Variants in ZNF638 observed in about 807,000 individuals in gnomAD.
ZNF638 encodes CTCL tumor antigen se33-1.
A neutral mutation model predicts 195.6 loss-of-function variants in ZNF638; 46 were observed. The observed-to-expected ratio is 0.24, with a 90% CI of 0.19 to 0.30. The LOEUF is 0.30. ZNF638 is among the 10% of genes least tolerant of loss of function. ZNF638 has a pLI of 1.00. For missense variants in ZNF638, 2,440 were observed against 2,325.3 expected (o/e 1.05, Z -1.01); for synonymous variants, 845 against 772.0 (o/e 1.09, Z -1.57).
intron 19 of ZNF638, 121 bp downstream of exon 19, chr2:71,406,383 G>T: frequency 2.3e-6 from 2 of 854,778 alleles, no homozygotes; most frequent in East Asian, 5.3e-5. Context: ...CCACTTCGCA[G>T]AATTATTATA....
At chr2:71,390,715 A>G (rs1004731309) in intron 10 of ZNF638, among the ~76,000 whole-genome samples, 1 of 152,148 alleles carries the variant, frequency 6.6e-6, no homozygotes, top group Non-Finnish European at 1.5e-5. Context: ...TTACTGGCTT[A>G]TAGGATACAG....
rs1308761448 is a variant in ZNF638, at chr2:71,423,213, A to T, written c.3699A>T (p.Glu1233Asp). Reference protein sequence around the residue: ...LLPSDSVFAEERNLKGILEES... With the variant: ...LLPSDSVFAEDRNLKGILEES... ...CATCTGACAGTGTGTTTGCAGAAGA[A>T]AGGAACCTCAAAGGAATTCTAGAAG... Residue 1233 changes from glutamate (E) to aspartate (D), a missense_variant, in exon 22 of 28, where the codon GAA becomes GAT. Glu to Asp is a conservative substitution (Grantham distance 45, BLOSUM62 2). This residue lies in a region of ZNF638 where 1,883 missense variants were observed against 1,739.1 expected (regional missense o/e 1.08). Coordinates refer to ENST00000264447, the MANE Select transcript of ZNF638 (RefSeq NM_014497.5). 50 of 1,614,030 alleles carry T rather than the reference A, an allele frequency of 3.1e-5. No individual in the cohort carries two copies. The Admixed American group carries it at 6.8e-4, about 22-fold the overall frequency.
At chr2:71,433,023 G>T (rs2080698246) in intron 26 of ZNF638, 142 bp from the exon 27 acceptor site, 1 of 686,660 alleles carries the variant, frequency 1.5e-6, no homozygotes, top group Non-Finnish European at 2.6e-6. Flanking sequence ...GGAGGCAGAG[G>T]TTGCAGTGAG....
At chr2:71,397,029 G>T (rs893152124) in intron 11 of ZNF638, among the ~76,000 whole-genome samples, 1 of 152,160 alleles carries the variant, frequency 6.6e-6, no homozygotes. Flanking sequence ...ATCATTATTA[G>T]TGGCAGATCC....
chr2:71,352,502 A>T (rs1279701479), intron 2 of ZNF638, among the ~76,000 whole-genome samples: 7 of 151,492 alleles, frequency 4.6e-5, no homozygotes, highest in African/African-American at 1.5e-4. Flanking sequence ...AAATAAAAAA[A>T]AAAAAAAAGA....
chr2:71,383,944 C>T (rs2079586232), intron 10 of ZNF638, among the ~76,000 whole-genome samples: 1 of 151,784 alleles, frequency 6.6e-6, no homozygotes, highest in Admixed American at 6.6e-5. Flanking sequence ...TTAAGGACAT[C>T]TCCCTTACGT....
chr2:71,410,983 T>A (rs12619352), intron 20 of ZNF638, among the ~76,000 whole-genome samples: 3 of 48,182 alleles, frequency 6.2e-5, no homozygotes, highest in Non-Finnish European at 1.0e-4. Flanking sequence ...ACCCACCACC[T>A]CCCCCCCCCT....
intron 1 of ZNF638, among the ~76,000 whole-genome samples, chr2:71,341,380 G>T (rs1356841001): frequency 1.3e-5 from 2 of 152,082 alleles, no homozygotes; most frequent in Non-Finnish European, 2.9e-5. Context: ...TTGAAAAATA[G>T]TAAATTTAGA....
At position 71,368,424 on chromosome 2, in the gene ZNF638, A is replaced by G. The variant is rs777046248; in HGVS notation, c.2038A>G (p.Ile680Val). The change falls in exon 7 of 28, where the codon ATA becomes GTA. Residue 680 changes from isoleucine (I) to valine (V), a missense_variant. Ile to Val is a conservative substitution (Grantham distance 29). Around this residue, in one of 5 missense-constraint regions of ZNF638, gnomAD observed 1,883 missense variants for 1,739.1 expected, o/e 1.08. Transcript: ENST00000264447. ...ATTGCATTATGGTTCGGTTCTTCTT[A>G]TAACTGAATTACCAGAGGATGGTTG... ...QSLHYGSVLLITELPEDGCTE... is the reference protein window; with the variant it reads ...QSLHYGSVLLVTELPEDGCTE... 2.5e-6 allele frequency: 4 copies of G among 1,613,360 alleles called. No individual in the cohort carries two copies. Among genetic ancestry groups the G allele is most frequent in the Admixed American group, 1.7e-5 (1 of 59,874 alleles).
At chr2:71,357,273 C>T (rs149542171) in intron 3 of ZNF638, among the ~76,000 whole-genome samples, 13 of 152,206 alleles carry the variant, frequency 8.5e-5, no homozygotes, top group African/African-American at 1.7e-4. Flanking sequence ...TAGTCCATCT[C>T]GGTTTGTGTC....
intron 21 of ZNF638, among the ~76,000 whole-genome samples, chr2:71,421,987 A>G (rs1456285332): frequency 6.6e-6 from 1 of 152,216 alleles, no homozygotes; most frequent in Non-Finnish European, 1.5e-5. Flanking sequence ...CCATGATGAA[A>G]TAAGATGAAT....
rs1033323938 is a variant in ZNF638 at position 71,349,872 on chromosome 2, A to G, written c.918A>G (p.Glu306=). 1.2e-6 allele frequency: 2 copies of G among 1,614,148 alleles called. No homozygotes were observed. Residue 306 remains glutamate (E), a synonymous_variant, in exon 2 of 28, where the codon GAA becomes GAG. Transcript: ENST00000264447. ...TTTCAGGAGGACAGTCAGTCCTTGA[A>G]CCCATAAAATCCGTCAACCAATCCA... ...LHISGGQSVL[E]PIKSVNQSIN...
chr2:71,389,564 TAAC>T (rs939645256), intron 10 of ZNF638, among the ~76,000 whole-genome samples: 13 of 152,070 alleles, frequency 8.5e-5, no homozygotes, highest in Non-Finnish European at 1.6e-4. Context: ...GGGCAAAACA[TAAC>T]AGCTGCTATG....
chr2:71,424,709 T>C lies in ZNF638; in HGVS notation c.4584T>C (p.Ser1528=). 1 of 1,612,844 alleles carries C rather than the reference T, an allele frequency of 6.2e-7. No individual in the cohort carries two copies. The highest frequency in any genetic ancestry group is 8.5e-7 in the Non-Finnish European group (1 of 1,179,186). The change falls in exon 23 of 28, where the codon TCT becomes TCC. Residue 1528 remains serine, a synonymous_variant. Transcript: ENST00000264447. ...GCACTACTGGTAGAAGTTCCAAATC[T>C]AAAGAGGTAAAAAATAGATCACAGA... ...PKSTTGRSSK[S]KEEPLFPFNL...
chr2:71,406,621 G>C (rs2080110368), intron 19 of ZNF638, among the ~76,000 whole-genome samples: 1 of 152,144 alleles, frequency 6.6e-6, no homozygotes, highest in African/African-American at 2.4e-5. Flanking sequence ...AAAATGAAAG[G>C]GGTATTACCC....
At chr2:71,400,275 T>C in intron 14 of ZNF638, 95 bp downstream of exon 14, 1 of 1,109,392 alleles carries the variant, frequency 9.0e-7, no homozygotes, top group Non-Finnish European at 1.3e-6. Context: ...CATGTCTTTA[T>C]CTCTTAATCT....
chr2:71,357,940 T>G (rs542657416), intron 3 of ZNF638, among the ~76,000 whole-genome samples: 3 of 152,098 alleles, frequency 2.0e-5, no homozygotes, highest in Admixed American at 2.0e-4. Context: ...TGTTTTTTTC[T>G]TTTTGACTTA....
intron 20 of ZNF638, 195 bp downstream of exon 20, chr2:71,408,442 A>G (rs368985843): frequency 8.2e-6 from 5 of 608,006 alleles, no homozygotes; most frequent in African/African-American, 7.6e-5. Flanking sequence ...ATTTTCAACA[A>G]TGTAACATAT....
chr2:71,374,428 A>G (rs1418538271), intron 8 of ZNF638, among the ~76,000 whole-genome samples: 3 of 152,022 alleles, frequency 2.0e-5, no homozygotes, highest in African/African-American at 4.8e-5. Flanking sequence ...TTTCTTGTAG[A>G]GTTATTTTTC....
Sources: allele counts gnomAD v4.1 joint callset (sites outside exome capture counted in the v4.1 genomes callset), GRCh38; gene constraint gnomAD v4.1.1; regional missense constraint gnomAD v4.1.1; transcripts MANE v1.5; gene names NCBI Gene and HGNC (gene_info 2026-07-23, HGNC 2026-07-21).